Variants in PTPRN2 observed in about 807,000 individuals in gnomAD.
PTPRN2 encodes protein tyrosine phosphatase receptor type N2.
In PTPRN2, 74 loss-of-function variants were observed where a neutral mutation model predicts 118.8. The ratio of observed to expected loss-of-function variants is 0.62; its 90% CI spans 0.52 to 0.76. The LOEUF (loss-of-function observed/expected upper bound fraction) is 0.76, where lower values mean the gene tolerates loss of function less well. PTPRN2 is among the 30% of genes least tolerant of loss of function. The pLI is 0.00. For missense variants in PTPRN2, 1,481 were observed against 1,394.4 expected, an observed-to-expected ratio of 1.06 and a Z score of -0.99; for synonymous variants, 641 against 608.0, an observed-to-expected ratio of 1.05 and a Z score of -0.80.
In PTPRN2 at chr7:157,629,733, G is replaced by A. The variant is rs1395167284; in HGVS notation, c.2197-8224C>T. ...CGTGTTAAAGAAAGCTGGGCTTTGG[G>A]GAACCCAGTCATTACTGGGAAGGCT... On this transcript the variant is annotated intron_variant, in intron 14 of 22. Coordinates refer to ENST00000389418, the MANE Select transcript of PTPRN2 (RefSeq NM_002847.5). This position sits in a 1 kb window ranked among gnomAD's most constrained non-coding sequence, Gnocchi z 4.4. Among the ~76,000 whole-genome samples the A allele has an allele frequency of 1.3e-5, 2 of 152,222 alleles. No individual in the cohort carries two copies. Among genetic ancestry groups the A allele is most frequent in the African/African-American group, 4.8e-5 (2 of 41,462 alleles).
intron 11 of PTPRN2, among the ~76,000 whole-genome samples, chr7:158,065,750 A>C (rs531030762): frequency 6.6e-6 from 1 of 152,384 alleles, no homozygotes; most frequent in East Asian, 1.9e-4. Context: ...CTTAAAAAAA[A>C]CCATATTCTG....
intron 2 of PTPRN2, among the ~76,000 whole-genome samples, chr7:158,478,367 TCTC>T (rs1316295043): frequency 6.6e-6 from 1 of 152,070 alleles, no homozygotes; most frequent in Non-Finnish European, 1.5e-5. Flanking sequence ...TCTTGATCAT[TCTC>T]CTGGCATTCG....
At chr7:158,522,683 G>T (rs948950949) in intron 1 of PTPRN2, among the ~76,000 whole-genome samples, 1 of 152,250 alleles carries the variant, frequency 6.6e-6, no homozygotes, top group Non-Finnish European at 1.5e-5. Context: ...GAGGGCATCA[G>T]CATGGTCTGG....
At chr7:157,595,480 G>A (rs544342303) in intron 16 of PTPRN2, among the ~76,000 whole-genome samples, 165 bp from the exon 17 acceptor site, 8 of 148,678 alleles carry the variant, frequency 5.4e-5, no homozygotes, top group Non-Finnish European at 1.2e-4. Context: ...AGGAAGCCAG[G>A]AGGTTAGGAA....
intron 2 of PTPRN2, among the ~76,000 whole-genome samples, chr7:158,351,266 C>G (rs527707332): frequency 6.6e-6 from 1 of 152,136 alleles, no homozygotes; most frequent in African/African-American, 2.4e-5. Flanking sequence ...GGGACTCACC[C>G]GCTGGCACCA....
chr7:157,557,799 T>G (rs1159343113), intron 21 of PTPRN2, among the ~76,000 whole-genome samples: 1 of 152,130 alleles, frequency 6.6e-6, no homozygotes, highest in Admixed American at 6.5e-5. Context: ...TCTTATGTTT[T>G]TTTTTCCTTT....
chr7:157,781,160 C>T (rs531487722), intron 12 of PTPRN2, among the ~76,000 whole-genome samples: 1 of 152,334 alleles, frequency 6.6e-6, no homozygotes, highest in East Asian at 1.9e-4. Flanking sequence ...CTGCCACAGC[C>T]CTGACCCCAC....
rs554571638 is a variant in PTPRN2 at position 158,572,606 on chromosome 7, C to G, written c.112+14952G>C. On this transcript the variant is annotated intron_variant, in intron 1 of 22. Transcript: ENST00000389418. The stretch of plus-strand genomic sequence containing the variant: ...GACCGGCTGACACCTCTGGAAAACA[C>G]TGACCCTAAGTGCCACATCCCTACC... Among the ~76,000 whole-genome samples the G allele has an allele frequency of 2.0e-5, 3 of 152,332 alleles. No homozygotes were observed. In the East Asian group the frequency reaches 5.8e-4, roughly 29 times the overall value.
At chr7:157,776,439 T>A (rs375791962) in intron 12 of PTPRN2, among the ~76,000 whole-genome samples, 33 of 7,000 alleles carry the variant, frequency 4.7e-3, no homozygotes, top group South Asian at 9.5e-3. Context: ...CTGTCTCTCC[T>A]CTTCCTCACT....
At chr7:157,650,783 C>G (rs7795039) in intron 14 of PTPRN2, among the ~76,000 whole-genome samples, 42,714 of 152,040 alleles carry the variant, frequency 0.28, 6,132 homozygotes, top group Non-Finnish European at 0.3. Context: ...CCCCTTTCTG[C>G]TGCAGCTGGT....
intron 6 of PTPRN2, among the ~76,000 whole-genome samples, chr7:158,149,426 C>T (rs553109636): frequency 4.0e-5 from 6 of 148,894 alleles, no homozygotes; most frequent in African/African-American, 1.5e-4. Context: ...TAAGATGTTA[C>T]CTTTTCTCAA....
chr7:158,245,218 CGG>C (rs1253397728), intron 3 of PTPRN2, among the ~76,000 whole-genome samples: 3 of 99,302 alleles, frequency 3.0e-5, no homozygotes, highest in African/African-American at 7.8e-5. Flanking sequence ...ACGGTCATGC[CGG>C]AACCCATGGC....
At chr7:158,513,742 A>C (rs1823342316) in intron 1 of PTPRN2, among the ~76,000 whole-genome samples, 2 of 152,256 alleles carry the variant, frequency 1.3e-5, no homozygotes, top group Admixed American at 1.3e-4. Context: ...CAAGATGTAA[A>C]TGTGGAAGAT....
chr7:158,368,084 C>T (rs1809669865), intron 2 of PTPRN2, among the ~76,000 whole-genome samples: 1 of 152,208 alleles, frequency 6.6e-6, no homozygotes, highest in African/African-American at 2.4e-5. Context: ...TTAATACAAA[C>T]CTTATTGATG....
rs985970270 is a variant in PTPRN2, at chr7:157,953,925, T to C, written c.1724-55188A>G. ...CCCTCACCATGGAATGCACAAACGCTTGAAGATGCATGTGTGTTAGAGTCT... is the reference window on the plus strand; with the variant it reads ...CCCTCACCATGGAATGCACAAACGCCTGAAGATGCATGTGTGTTAGAGTCT... On this transcript the variant is annotated intron_variant, in intron 11 of 22. Transcript: ENST00000389418. The surrounding 1 kb of genome is among the most constrained non-coding windows in gnomAD (Gnocchi z 4.6). 6.6e-6 allele frequency among the ~76,000 whole-genome samples: 1 copy of C among 152,236 alleles called. No homozygotes were observed. Among genetic ancestry groups the C allele is most frequent in the African/African-American group, 2.4e-5 (1 of 41,462 alleles).
intron 1 of PTPRN2, among the ~76,000 whole-genome samples, chr7:158,502,616 C>T (rs1368591601): frequency 6.6e-6 from 1 of 152,272 alleles, no homozygotes; most frequent in African/African-American, 2.4e-5. Context: ...TCTCACATCC[C>T]CCAGTTCACA....
intron 1 of PTPRN2, among the ~76,000 whole-genome samples, chr7:158,562,050 G>A (rs1827423748): frequency 6.6e-6 from 1 of 152,228 alleles, no homozygotes; most frequent in South Asian, 2.1e-4. Context: ...GAGATCTCAT[G>A]ACCTCCAAGA....
At chr7:157,766,067 CATCT>C (rs1463831272) in intron 12 of PTPRN2, among the ~76,000 whole-genome samples, 13 of 148,450 alleles carry the variant, frequency 8.8e-5, no homozygotes, top group East Asian at 2.0e-4. Flanking sequence ...TCCATCCATC[CATCT>C]ATCCGCCCAC....
intron 17 of PTPRN2, among the ~76,000 whole-genome samples, chr7:157,593,731 T>G (rs1020334519): frequency 1.1e-4 from 16 of 152,054 alleles, no homozygotes; most frequent in African/African-American, 3.9e-4. Context: ...TGCAAAGACC[T>G]TCCTACCACG....
Sources: gnomAD v4.1 joint callset for allele counts (sites outside exome capture counted in the v4.1 genomes callset) on GRCh38, gnomAD v4.1.1 for gene constraint, Gnocchi (gnomAD v3.1) non-coding constraint, MANE v1.5 for transcripts, NCBI Gene and HGNC (gene_info 2026-07-23, HGNC 2026-07-21) for gene names.